NCOA2: variants seen among roughly 807,000 people sequenced by gnomAD.
NCOA2 encodes the protein nuclear receptor coactivator 2, also known as class E basic helix-loop-helix protein 75.
Under a neutral mutation model 145.1 loss-of-function variants are expected in NCOA2, and 21 were observed. That is an observed-to-expected ratio of 0.14 (90% CI 0.10 to 0.21). The LOEUF (loss-of-function observed/expected upper bound fraction) is 0.21. Among genes scored for constraint, NCOA2 ranks in the 10% least tolerant of loss-of-function variants. The pLI is 1.00. For synonymous variants in NCOA2, 619 were observed against 637.5 expected (o/e 0.97, Z 0.44); for missense variants, 1,472 against 1,837.6 (o/e 0.80, Z 3.64).
intron 4 of NCOA2, among the ~76,000 whole-genome samples, chr8:70,195,769 C>T (rs951252071): frequency 1.3e-5 from 2 of 152,190 alleles, no homozygotes; most frequent in African/African-American, 4.8e-5. Flanking sequence ...CGTTCCATTG[C>T]ATCCTGCTAC....
intron 1 of NCOA2, among the ~76,000 whole-genome samples, chr8:70,401,463 C>CA (rs1397307008): frequency 6.6e-6 from 1 of 152,056 alleles, no homozygotes; most frequent in Non-Finnish European, 1.5e-5. Context: ...TAAATACCCA[C>CA]ACTTAATGTT....
chr8:70,384,432 A>C (rs1308202748), intron 1 of NCOA2, among the ~76,000 whole-genome samples: 1 of 152,210 alleles, frequency 6.6e-6, no homozygotes, highest in Non-Finnish European at 1.5e-5. Flanking sequence ...GTTTTATTTT[A>C]AATTATAATT....
Position 70,230,158 on chromosome 8 carries a change from G to A in NCOA2, c.-19-13394C>T, listed in dbSNP as rs141064379. ...ACGCTAGAAAGATTAGCATGGTAGC[G>A]GTCTAAATGACGTTTCCAGCAGTGT... is the stretch of plus-strand genomic sequence containing the variant. On this transcript the variant is annotated intron_variant, in intron 2 of 22. Coordinates refer to ENST00000452400, the MANE Select transcript of NCOA2 (RefSeq NM_006540.4). Among the ~76,000 whole-genome samples the A allele has an allele frequency of 1.1e-3, 161 of 152,248 alleles. 1 individual carries two copies. The highest frequency in any genetic ancestry group is 3.4e-3 in the Middle Eastern group (1 of 294).
intron 1 of NCOA2, among the ~76,000 whole-genome samples, chr8:70,329,434 A>T (rs1806884877): frequency 6.6e-6 from 1 of 151,958 alleles, no homozygotes. Flanking sequence ...AATTTTTTGT[A>T]GAGATGGAGT....
intron 5 of NCOA2, among the ~76,000 whole-genome samples, chr8:70,172,243 G>A (rs2132682322): frequency 6.6e-6 from 1 of 152,322 alleles, no homozygotes; most frequent in Middle Eastern, 3.4e-3. Flanking sequence ...TTATAGGCAT[G>A]AGCCACTATG....
intron 4 of NCOA2, among the ~76,000 whole-genome samples, chr8:70,193,557 AT>A (rs200599093): frequency 0.011 from 1,600 of 152,234 alleles, 28 homozygotes; most frequent in African/African-American, 0.036. Flanking sequence ...ACTATGTGTA[AT>A]TTTTTCCCCT....
chr8:70,444,327 C>T, the NCOA2 span, among the ~76,000 whole-genome samples: 1 of 152,184 alleles, frequency 6.6e-6, no homozygotes, highest in Non-Finnish European at 1.5e-5. Context: ...TTAGTAGTTG[C>T]CAGAGGTTAG....
At chr8:70,130,972 ATCAGGT>A (rs1809029071) in intron 16 of NCOA2, among the ~76,000 whole-genome samples, 1 of 152,248 alleles carries the variant, frequency 6.6e-6, no homozygotes, top group Admixed American at 6.5e-5. Context: ...TATCATTGCT[ATCAGGT>A]ACTCTAAAAG....
intron 2 of NCOA2, among the ~76,000 whole-genome samples, chr8:70,240,206 C>T (rs1822008068): frequency 6.6e-6 from 1 of 152,150 alleles, no homozygotes; most frequent in Non-Finnish European, 1.5e-5. Context: ...AGCTGCACAA[C>T]CTTAGGAAAG....
At chr8:70,331,809 A>AT (rs1158297740) in intron 1 of NCOA2, among the ~76,000 whole-genome samples, 1 of 152,210 alleles carries the variant, frequency 6.6e-6, no homozygotes, top group Non-Finnish European at 1.5e-5. Flanking sequence ...AAATAAAATC[A>AT]TTAAGATGTT....
At chr8:70,222,331 T>C (rs1820216493) in intron 2 of NCOA2, among the ~76,000 whole-genome samples, 1 of 152,184 alleles carries the variant, frequency 6.6e-6, no homozygotes, top group African/African-American at 2.4e-5. Flanking sequence ...CCATTTATTG[T>C]TAGGTAGAGG....
chr8:70,163,010 G>A (rs1233819051), intron 8 of NCOA2, among the ~76,000 whole-genome samples, 156 bp from the exon 9 acceptor site: 1 of 143,944 alleles, frequency 6.9e-6, no homozygotes, highest in African/African-American at 2.6e-5. Context: ...TACCTCCTGG[G>A]GTCAAACGAC....
chr8:70,322,942 C>T (rs1184605494), intron 1 of NCOA2, among the ~76,000 whole-genome samples: 1 of 152,084 alleles, frequency 6.6e-6, no homozygotes, highest in East Asian at 1.9e-4. Context: ...CTACAAAGTC[C>T]AGATGGTATC....
the NCOA2 span, among the ~76,000 whole-genome samples, chr8:70,454,531 A>G: frequency 6.6e-6 from 1 of 152,236 alleles, no homozygotes; most frequent in Non-Finnish European, 1.5e-5. Context: ...GTAGACCATC[A>G]GCTAAATTAC....
chr8:70,278,056 C>T (rs1825601018), intron 2 of NCOA2, among the ~76,000 whole-genome samples: 1 of 152,176 alleles, frequency 6.6e-6, no homozygotes, highest in Non-Finnish European at 1.5e-5. Context: ...CACTCACTCC[C>T]ATTTTCTCCC....
At chr8:70,349,650 T>G (rs1808989191) in intron 1 of NCOA2, among the ~76,000 whole-genome samples, 1 of 152,058 alleles carries the variant, frequency 6.6e-6, no homozygotes, top group African/African-American at 2.4e-5. Context: ...TCCTAAGCTT[T>G]CCATAAATCC....
At chr8:70,454,617 C>A in the NCOA2 span, among the ~76,000 whole-genome samples, 1 of 152,100 alleles carries the variant, frequency 6.6e-6, no homozygotes. Flanking sequence ...TTCTGAGAAG[C>A]CAAACCAATC....
chr8:70,359,557 T>C (rs1810029599), intron 1 of NCOA2, among the ~76,000 whole-genome samples: 1 of 152,160 alleles, frequency 6.6e-6, no homozygotes, highest in African/African-American at 2.4e-5. Context: ...CAGCCACTCT[T>C]GAAGGGGAAG....
intron 1 of NCOA2, among the ~76,000 whole-genome samples, chr8:70,370,053 T>C (rs1305394031): frequency 1.3e-5 from 2 of 152,108 alleles, no homozygotes; most frequent in Non-Finnish European, 2.9e-5. Flanking sequence ...AAAGGGCTAC[T>C]TTTTTATTTT....
Sources: allele counts gnomAD v4.1 joint callset (sites outside exome capture counted in the v4.1 genomes callset), GRCh38; gene constraint gnomAD v4.1.1; transcripts MANE v1.5; gene names NCBI Gene and HGNC (gene_info 2026-07-23, HGNC 2026-07-21).